The following PARD3 variants were observed in gnomAD, a reference collection of about 807,000 sequenced individuals.
PARD3 encodes par-3 family cell polarity regulator.
In PARD3, 75 loss-of-function variants were observed where a neutral mutation model predicts 155.4. That is an observed-to-expected ratio of 0.48 (90% CI 0.40 to 0.58). PARD3 has a LOEUF of 0.58. Among genes scored for constraint, PARD3 ranks in the 20% least tolerant of loss-of-function variants. PARD3 has a pLI of 0.00. For missense variants in PARD3, 1,642 were observed against 1,721.7 expected (o/e 0.95, Z 0.82); for synonymous variants, 576 against 610.5 (o/e 0.94, Z 0.83).
rs543139135 is a variant in PARD3, at chr10:34,411,014, A to G, written c.715-9097T>C. Among the ~76,000 whole-genome samples the G allele has an allele frequency of 2.6e-5, 4 of 152,288 alleles. No individual in the cohort carries two copies. The South Asian group carries it at 6.2e-4, about 24-fold the overall frequency. The stretch of plus-strand genomic sequence containing the variant: ...TGCATGTTGTGCTAAGAGTAATACA[A>G]TTTCTCATCTCTGACCTAGGAGCCT... On this transcript the variant is annotated intron_variant, in intron 5 of 24. Transcript: ENST00000374788.
At chr10:34,808,955 A>C (rs1394253522) in intron 1 of PARD3, among the ~76,000 whole-genome samples, 1 of 152,210 alleles carries the variant, frequency 6.6e-6, no homozygotes, top group African/African-American at 2.4e-5. Context: ...GGTGTGTTCC[A>C]GGGCCAGATT....
intron 23 of PARD3, among the ~76,000 whole-genome samples, chr10:34,124,096 C>A (rs1229564184): frequency 6.6e-6 from 1 of 152,194 alleles, no homozygotes; most frequent in South Asian, 2.1e-4. Flanking sequence ...TATCCACACA[C>A]ATATGTAATA....
At position 34,341,050 on chromosome 10, in the gene PARD3, C is replaced by T. The variant is rs1187937653; in HGVS notation, c.2408+577G>A. Reference sequence around the variant, plus strand: ...CACACATCCACCTTCATGAGCCACACATTGGCTCAGTAGTATCAAATGCTT... The same window carrying T: ...CACACATCCACCTTCATGAGCCACATATTGGCTCAGTAGTATCAAATGCTT... On this transcript the variant is annotated intron_variant, in intron 16 of 24. Coordinates refer to ENST00000374788, the MANE Select transcript of PARD3 (RefSeq NM_001184785.2). 5.3e-5 allele frequency among the ~76,000 whole-genome samples: 8 copies of T among 152,082 alleles called. No homozygotes were observed. The East Asian group carries it at 1.4e-3, about 26-fold the overall frequency.
chr10:34,456,696 A>G (rs78853671), intron 4 of PARD3, among the ~76,000 whole-genome samples: 2,026 of 152,350 alleles, frequency 0.013, 16 homozygotes, highest in Middle Eastern at 0.034. Flanking sequence ...CAAATTAACA[A>G]TATACAAAAT....
chr10:34,731,492 A>G (rs1348668885), intron 1 of PARD3, among the ~76,000 whole-genome samples: 1 of 152,228 alleles, frequency 6.6e-6, no homozygotes, highest in African/African-American at 2.4e-5. Context: ...TGAAAGCAAC[A>G]CAAAAACCTA....
chr10:34,535,978 C>A (rs766917975), intron 2 of PARD3, among the ~76,000 whole-genome samples: 4 of 152,094 alleles, frequency 2.6e-5, no homozygotes, highest in Non-Finnish European at 4.4e-5. Flanking sequence ...CTAGTCAGTA[C>A]TGTTATTAAT....
intron 13 of PARD3, 37 bp from the exon 14 acceptor site, chr10:34,359,354 C>A: frequency 6.8e-7 from 1 of 1,468,630 alleles, no homozygotes; most frequent in Non-Finnish European, 9.4e-7. Context: ...TGCTATTAAA[C>A]AGACTGCTAT....
At chr10:34,737,324 T>C (rs561392671) in intron 1 of PARD3, among the ~76,000 whole-genome samples, 13 of 152,320 alleles carry the variant, frequency 8.5e-5, no homozygotes, top group Admixed American at 7.8e-4. Context: ...ACTTCTCCAC[T>C]AACAACAGTC....
intron 6 of PARD3, 130 bp from the exon 7 acceptor site, chr10:34,399,543 CCCA>C (rs1843678072): frequency 1.5e-6 from 1 of 671,194 alleles, no homozygotes; most frequent in South Asian, 1.7e-5. Flanking sequence ...GAACAAAAAT[CCCA>C]CCAAGTGCAT....
rs1827621661 is a variant in PARD3, at chr10:34,368,969, C to CAACATGG, written c.1707+3522_1707+3528dup. On this transcript the variant is annotated intron_variant, in intron 12 of 24. Coordinates refer to ENST00000374788, the MANE Select transcript of PARD3 (RefSeq NM_001184785.2). ...AATTCAGTCATAGTTTATCAGCCTC[C>CAACATGG]AACATGGAACTCATACTGTATTACC... 5.3e-5 allele frequency among the ~76,000 whole-genome samples: 8 copies of CAACATGG among 151,624 alleles called. No individual in the cohort carries two copies. In the South Asian group the frequency reaches 1.7e-3, roughly 32 times the overall value.
At chr10:34,713,986 T>C (rs185918612) in intron 1 of PARD3, among the ~76,000 whole-genome samples, 1 of 152,298 alleles carries the variant, frequency 6.6e-6, no homozygotes, top group East Asian at 1.9e-4. Flanking sequence ...CTGGAAGAAC[T>C]TTAAGGTTAC....
intron 1 of PARD3, among the ~76,000 whole-genome samples, chr10:34,700,942 T>A (rs1328103412): frequency 1.3e-5 from 2 of 152,058 alleles, no homozygotes; most frequent in Non-Finnish European, 2.9e-5. Context: ...ACCACTGCAC[T>A]CCAGCCTGAG....
intron 14 of PARD3, among the ~76,000 whole-genome samples, chr10:34,357,506 G>A (rs1839010143): frequency 2.0e-5 from 3 of 152,160 alleles, no homozygotes; most frequent in African/African-American, 7.2e-5. Flanking sequence ...GATATGTTTT[G>A]TAAACTTACA....
chr10:34,322,268 C>A (rs1250990004), intron 19 of PARD3, among the ~76,000 whole-genome samples: 1 of 152,098 alleles, frequency 6.6e-6, no homozygotes, highest in Non-Finnish European at 1.5e-5. Context: ...CCTAAAATTA[C>A]CCTATGGATA....
At chr10:34,165,407 T>G (rs1949482818) in intron 22 of PARD3, among the ~76,000 whole-genome samples, 1 of 152,202 alleles carries the variant, frequency 6.6e-6, no homozygotes, top group Admixed American at 6.5e-5. Context: ...TATATTAAAA[T>G]CAGGACACTT....
At chr10:34,508,898 T>C (rs544847005) in intron 3 of PARD3, among the ~76,000 whole-genome samples, 11 of 152,316 alleles carry the variant, frequency 7.2e-5, no homozygotes, top group African/African-American at 2.6e-4. Context: ...GTGCTTCTCC[T>C]GTGTCACAGG....
At chr10:34,347,846 ATAT>A in intron 15 of PARD3, 116 bp downstream of exon 15, 1 of 704,194 alleles carries the variant, frequency 1.4e-6, no homozygotes, top group Non-Finnish European at 2.0e-6. Context: ...GAAAACATTA[ATAT>A]TTTTATTTAC....
At chr10:34,677,159 T>G (rs992901366) in intron 2 of PARD3, among the ~76,000 whole-genome samples, 2 of 152,106 alleles carry the variant, frequency 1.3e-5, no homozygotes, top group Non-Finnish European at 2.9e-5. Context: ...AGTATTTCAG[T>G]GTTGTCCAAT....
chr10:34,447,713 G>A (rs1428693012), intron 5 of PARD3, among the ~76,000 whole-genome samples: 1 of 151,112 alleles, frequency 6.6e-6, no homozygotes, highest in African/African-American at 2.4e-5. Context: ...GCTGAGGCAG[G>A]GGAATTGCTT....
Sources: allele counts gnomAD v4.1 joint callset (sites outside exome capture counted in the v4.1 genomes callset), GRCh38; gene constraint gnomAD v4.1.1; transcripts MANE v1.5; gene names NCBI Gene and HGNC (gene_info 2026-07-23, HGNC 2026-07-21).